Variants in CTNND2 observed in about 807,000 individuals in gnomAD.
CTNND2 encodes the protein catenin delta 2.
Under a neutral mutation model 144.4 loss-of-function variants are expected in CTNND2, and 22 were observed. The observed-to-expected ratio is 0.15, with a 90% CI of 0.11 to 0.22. CTNND2 has a LOEUF of 0.22. CTNND2 is among the 10% of genes least tolerant of loss of function. CTNND2 has a pLI of 1.00. For synonymous variants in CTNND2, 751 were observed against 695.6 expected (o/e 1.08, Z -1.25); for missense variants, 1,353 against 1,618.8 (o/e 0.84, Z 2.82).
intron 3 of CTNND2, among the ~76,000 whole-genome samples, chr5:11,456,885 A>G (rs1765780018): frequency 6.6e-6 from 1 of 152,154 alleles, no homozygotes; most frequent in Non-Finnish European, 1.5e-5. Flanking sequence ...TCTAAATGAA[A>G]ATCTAGAACT....
chr5:11,624,269 T>C (rs539795377), intron 2 of CTNND2, among the ~76,000 whole-genome samples: 2 of 152,250 alleles, frequency 1.3e-5, no homozygotes, highest in South Asian at 4.1e-4. Flanking sequence ...GTGTTAAATT[T>C]ACATGTCTTG....
chr5:11,385,353 G>T (rs1397012789), intron 6 of CTNND2, 124 bp from the exon 7 acceptor site: 2 of 544,472 alleles, frequency 3.7e-6, no homozygotes, highest in African/African-American at 4.1e-5. Context: ...GCGGCTCTGC[G>T]ATCCCAGCTG....
Position 11,681,507 on chromosome 5 carries a change from T to C in CTNND2, c.174+50629A>G, listed in dbSNP as rs146537324. On this transcript the variant is annotated intron_variant, in intron 2 of 21. Coordinates refer to ENST00000304623, the MANE Select transcript of CTNND2 (RefSeq NM_001332.4). ...TGCTATTTATTCCACATGGCTTCTA[T>C]TGTGCATGTGCTGAAGTCTCTAAGA... 3.2e-3 allele frequency among the ~76,000 whole-genome samples: 487 copies of C among 152,298 alleles called. 2 individuals carry two copies. Among genetic ancestry groups the C allele is most frequent in the African/African-American group, 0.011 (473 of 41,562 alleles).
intron 3 of CTNND2, among the ~76,000 whole-genome samples, chr5:11,540,197 C>T (rs911043745): frequency 6.6e-6 from 1 of 152,166 alleles, no homozygotes; most frequent in Non-Finnish European, 1.5e-5. Flanking sequence ...AAATAAACGA[C>T]ATTCCAAGTG....
At chr5:11,436,859 A>C (rs1310450102) in intron 3 of CTNND2, among the ~76,000 whole-genome samples, 1 of 152,206 alleles carries the variant, frequency 6.6e-6, no homozygotes, top group East Asian at 1.9e-4. Context: ...CAGTTTATTG[A>C]CATTTTGGTA....
chr5:11,118,219 C>A (rs1227607380), intron 12 of CTNND2, among the ~76,000 whole-genome samples: 1 of 152,218 alleles, frequency 6.6e-6, no homozygotes, highest in Non-Finnish European at 1.5e-5. Context: ...TCTAGTCCTA[C>A]AAGAGACAGA....
At chr5:11,770,588 T>C (rs1177088704) in intron 1 of CTNND2, among the ~76,000 whole-genome samples, 1 of 151,750 alleles carries the variant, frequency 6.6e-6, no homozygotes, top group Non-Finnish European at 1.5e-5. Context: ...AAAAACAGAG[T>C]AGGCTGACAT....
chr5:11,660,669 G>C (rs1248194882), intron 2 of CTNND2, among the ~76,000 whole-genome samples: 1 of 152,112 alleles, frequency 6.6e-6, no homozygotes, highest in Non-Finnish European at 1.5e-5. Context: ...TGGTGACATT[G>C]AACGTGTTTC....
intron 21 of CTNND2, among the ~76,000 whole-genome samples, chr5:10,974,178 CAG>C (rs1561102761): frequency 6.6e-6 from 1 of 152,212 alleles, no homozygotes; most frequent in African/African-American, 2.4e-5. Flanking sequence ...ATAGGCACTG[CAG>C]AGAGTGTTTG....
In CTNND2 at chr5:11,886,846, G is replaced by A. The variant is rs180704992; in HGVS notation, c.37+16971C>T. ...ATTTGTTAAAATAATTTCCAAACAT[G>A]ATGAAAATGCTCTTTGCTTCTATAA... On this transcript the variant is annotated intron_variant, in intron 1 of 21. Transcript: ENST00000304623. Among the ~76,000 whole-genome samples, 53 of 152,070 alleles carry A rather than the reference G, an allele frequency of 3.5e-4. 1 individual carries two copies. In the East Asian group the frequency reaches 0.01, roughly 29 times the overall value.
intron 2 of CTNND2, among the ~76,000 whole-genome samples, chr5:11,711,182 A>G (rs1786009646): frequency 6.6e-6 from 1 of 151,928 alleles, no homozygotes; most frequent in East Asian, 1.9e-4. Context: ...AAGTCTCTGG[A>G]GTAGCTGGGA....
At chr5:11,866,020 G>A (rs948668282) in intron 1 of CTNND2, among the ~76,000 whole-genome samples, 3 of 151,702 alleles carry the variant, frequency 2.0e-5, no homozygotes, top group Non-Finnish European at 4.4e-5. Context: ...AACTTCAAGA[G>A]GAACAGGTGT....
At chr5:11,465,515 C>T (rs1199898698) in intron 3 of CTNND2, among the ~76,000 whole-genome samples, 3 of 152,168 alleles carry the variant, frequency 2.0e-5, no homozygotes, top group Non-Finnish European at 4.4e-5. Context: ...GGCAGACAAA[C>T]AAAAGTGACA....
At chr5:11,756,628 CGATATA>C (rs571000444) in intron 1 of CTNND2, among the ~76,000 whole-genome samples, 276 of 114,924 alleles carry the variant, frequency 2.4e-3, no homozygotes, top group African/African-American at 8.3e-3. Flanking sequence ...CCACACAAAT[CGATATA>C]CACACACATA....
In CTNND2 at chr5:11,251,221, T is replaced by C. The variant is rs969904425; in HGVS notation, c.1629-14398A>G. 8.5e-5 allele frequency among the ~76,000 whole-genome samples: 13 copies of C among 152,370 alleles called. 1 individual carries two copies. Among genetic ancestry groups the C allele is most frequent in the Admixed American group, 3.9e-4 (6 of 15,298 alleles). ...CTTTATGGGTTCACAAACCTCTTCA[T>C]GTTTCACAGGGTGCCCCCCAGGCCA... On this transcript the variant is annotated intron_variant, in intron 9 of 21. Coordinates refer to ENST00000304623, the MANE Select transcript of CTNND2 (RefSeq NM_001332.4).
At chr5:11,347,098 TAAG>T (rs1754878155) in intron 8 of CTNND2, among the ~76,000 whole-genome samples, 1 of 152,086 alleles carries the variant, frequency 6.6e-6, no homozygotes, top group African/African-American at 2.4e-5. Flanking sequence ...TCAAAGAAAA[TAAG>T]AAGAAATGAG....
In CTNND2 at chr5:11,161,299, G is replaced by A. The variant is rs920800139; in HGVS notation, c.1976-1540C>T. 5.9e-5 allele frequency among the ~76,000 whole-genome samples: 9 copies of A among 152,132 alleles called. 1 individual carries two copies. Among genetic ancestry groups the A allele is most frequent in the Admixed American group, 5.2e-4 (8 of 15,278 alleles). On this transcript the variant is annotated intron_variant, in intron 11 of 21. Coordinates refer to ENST00000304623, the MANE Select transcript of CTNND2 (RefSeq NM_001332.4). ...TTACAGAAAAATTTTGTCCAACTGTGCTTTAGTGAATTTGACCATTTTATA... is the reference window on the plus strand; with the variant it reads ...TTACAGAAAAATTTTGTCCAACTGTACTTTAGTGAATTTGACCATTTTATA...
Position 11,384,454 on chromosome 5 carries a change from G to A in CTNND2, c.1177+211C>T, listed in dbSNP as rs1758829786. On this transcript the variant is annotated intron_variant, in intron 7 of 21. Transcript: ENST00000304623. The surrounding 1 kb of genome is among the most constrained non-coding windows in gnomAD (Gnocchi z 5.2). The stretch of plus-strand genomic sequence containing the variant: ...GAGTGATATAGGTGTTAGAGATTGA[G>A]ACACCACATTACTCCGGAAAAGAAG... The A allele has an allele frequency of 1.5e-5, 9 of 585,412 alleles. No individual in the cohort carries two copies. Among genetic ancestry groups the A allele is most frequent in the Non-Finnish European group, 3.0e-6 (1 of 330,248 alleles). The allele number at this position is 585,412 out of a possible 1,614,324, so 36.3% of individuals were successfully genotyped here.
chr5:11,234,883 C>T (rs1178396454), intron 10 of CTNND2, among the ~76,000 whole-genome samples: 2 of 152,124 alleles, frequency 1.3e-5, no homozygotes, highest in East Asian at 1.9e-4. Context: ...TTTTGGTATC[C>T]GCAGGAGTTT....
Sources: allele counts gnomAD v4.1 joint callset (sites outside exome capture counted in the v4.1 genomes callset), GRCh38; gene constraint gnomAD v4.1.1; non-coding constraint Gnocchi (gnomAD v3.1); transcripts MANE v1.5; gene names NCBI Gene and HGNC (gene_info 2026-07-23, HGNC 2026-07-21).